The following ACBD6 variants were observed in gnomAD, a reference collection of about 807,000 sequenced individuals.
The protein encoded by ACBD6 is acyl-CoA binding domain containing 6.
A neutral mutation model predicts 37.2 loss-of-function variants in ACBD6; 28 were observed. That is an observed-to-expected ratio of 0.75 (90% confidence interval 0.56 to 1.03). ACBD6 has a LOEUF of 1.03. Among genes scored for constraint, ACBD6 ranks in the 50% least tolerant of loss-of-function variants. The pLI, the probability that ACBD6 is intolerant of heterozygous loss-of-function variation, is 0.00. For synonymous variants in ACBD6, 113 were observed against 126.8 expected, an observed-to-expected ratio of 0.89 and a Z score of 0.73; for missense variants, 340 against 337.4, an observed-to-expected ratio of 1.01 and a Z score of -0.06.
At chr1:180,465,507 A>G (rs976479843) in intron 3 of ACBD6, among the ~76,000 whole-genome samples, 4 of 152,200 alleles carry the variant, frequency 2.6e-5, no homozygotes, top group African/African-American at 9.6e-5. Flanking sequence ...AAACTCAAAC[A>G]AAATCAGATG....
At chr1:180,375,428 T>C (rs968317290) in intron 6 of ACBD6, among the ~76,000 whole-genome samples, 3 of 152,042 alleles carry the variant, frequency 2.0e-5, no homozygotes, top group African/African-American at 7.2e-5. Flanking sequence ...TGGGCTCAGG[T>C]GATCCTCCTG....
chr1:180,291,814 T>C (rs549898243), intron 7 of ACBD6, among the ~76,000 whole-genome samples: 2 of 152,320 alleles, frequency 1.3e-5, no homozygotes, highest in South Asian at 4.1e-4. Flanking sequence ...TTATTCCTCT[T>C]ACATATACAT....
intron 6 of ACBD6, among the ~76,000 whole-genome samples, chr1:180,367,220 A>T (rs924049537): frequency 6.6e-6 from 1 of 152,174 alleles, no homozygotes; most frequent in Non-Finnish European, 1.5e-5. Context: ...AACTCTGCCT[A>T]TGTTTTTGCA....
chr1:180,363,040 A>G (rs1318548296), intron 6 of ACBD6, among the ~76,000 whole-genome samples: 4 of 152,164 alleles, frequency 2.6e-5, no homozygotes, highest in Non-Finnish European at 5.9e-5. Context: ...GGCTCTGGCA[A>G]ATGTATTAAC....
At chr1:180,342,131 T>C (rs1652006381) in intron 6 of ACBD6, among the ~76,000 whole-genome samples, 2 of 152,096 alleles carry the variant, frequency 1.3e-5, no homozygotes, top group African/African-American at 2.4e-5. Context: ...AATGTCTACC[T>C]AGAAATCAAT....
chr1:180,418,919 C>T (rs943554328), intron 4 of ACBD6, among the ~76,000 whole-genome samples: 4 of 152,170 alleles, frequency 2.6e-5, no homozygotes, highest in Non-Finnish European at 5.9e-5. Context: ...AAACAAAGTA[C>T]TTAATAAAGT....
intron 7 of ACBD6, among the ~76,000 whole-genome samples, chr1:180,314,026 T>C (rs572622814): frequency 6.6e-6 from 1 of 152,330 alleles, no homozygotes; most frequent in East Asian, 1.9e-4. Flanking sequence ...AAATTTCTTT[T>C]TCTTCAATTA....
At chr1:180,378,620 T>C (rs901832818) in intron 6 of ACBD6, among the ~76,000 whole-genome samples, 4 of 152,146 alleles carry the variant, frequency 2.6e-5, no homozygotes, top group African/African-American at 9.7e-5. Context: ...AAAATTCCAG[T>C]GTAAACTGTT....
intron 3 of ACBD6, among the ~76,000 whole-genome samples, chr1:180,433,721 T>C (rs1322559542): frequency 2.6e-5 from 4 of 152,094 alleles, no homozygotes; most frequent in Non-Finnish European, 1.5e-5. Flanking sequence ...AGTCTTTCGT[T>C]ACATAATTAG....
chr1:180,432,858 A>C (rs1434524138), intron 3 of ACBD6, among the ~76,000 whole-genome samples: 1 of 152,066 alleles, frequency 6.6e-6, no homozygotes, highest in African/African-American at 2.4e-5. Context: ...TGAATCACGA[A>C]GAAATCAAAA....
At position 180,274,147 on chromosome 1, in the gene ACBD6, T is replaced by C. The variant is rs751568001; in HGVS notation, c.*937-35A>G. ...GAAGAGCAGGGGACCATCAGAGTCCTGGCAGCTGACAATAAATCTCCGTTC... is the reference window on the plus strand; with the variant it reads ...GAAGAGCAGGGGACCATCAGAGTCCCGGCAGCTGACAATAAATCTCCGTTC... On this transcript the variant is annotated intron_variant, in intron 10 of 13. Transcript: ENST00000642319. 3.1e-6 allele frequency: 5 copies of C among 1,613,820 alleles called. No individual in the cohort carries two copies. In the South Asian group the frequency reaches 3.3e-5, roughly 11 times the overall value.
intron 6 of ACBD6, among the ~76,000 whole-genome samples, chr1:180,326,090 T>A (rs767879554): frequency 1.1e-4 from 17 of 151,988 alleles, no homozygotes; most frequent in Non-Finnish European, 2.4e-4. Flanking sequence ...GCCAGCCAGG[T>A]TTTTGTCCTT....
chr1:180,337,353 A>G (rs368658133), intron 6 of ACBD6, among the ~76,000 whole-genome samples: 19,655 of 151,884 alleles, frequency 0.13, 2,063 homozygotes, highest in African/African-American at 0.29. Flanking sequence ...TTCAACATAC[A>G]AAAATCAATA....
chr1:180,272,238 C>T (rs572214216), intron 13 of ACBD6, among the ~76,000 whole-genome samples: 3 of 152,238 alleles, frequency 2.0e-5, no homozygotes, highest in South Asian at 2.1e-4. Context: ...GGCCAGGCCC[C>T]GTCCTGTGGC....
chr1:180,440,419 T>C (rs997644451), intron 3 of ACBD6, among the ~76,000 whole-genome samples: 2 of 152,216 alleles, frequency 1.3e-5, no homozygotes, highest in African/African-American at 4.8e-5. Context: ...TTGAAAAGTC[T>C]TTATTTCACG....
At chr1:180,461,286 C>A (rs77533360) in intron 3 of ACBD6, among the ~76,000 whole-genome samples, 1 of 152,074 alleles carries the variant, frequency 6.6e-6, no homozygotes, top group Non-Finnish European at 1.5e-5. Context: ...CTGGTGTACC[C>A]GAAAGAGCTA....
rs958268037 is a variant in ACBD6 at position 180,442,228 on chromosome 1, C to T, written c.385-11966G>A. 6.6e-5 allele frequency among the ~76,000 whole-genome samples: 10 copies of T among 151,890 alleles called. 1 individual carries two copies. The East Asian group carries it at 9.7e-4, about 15-fold the overall frequency. On this transcript the variant is annotated intron_variant, in intron 3 of 7. Transcript: ENST00000367595. ...TTGTATGGTTTCATTACATTTCTTCCGCATGGGGTTCATTGAGCTTCTTGG... is the reference window on the plus strand; with the variant it reads ...TTGTATGGTTTCATTACATTTCTTCTGCATGGGGTTCATTGAGCTTCTTGG...
intron 3 of ACBD6, among the ~76,000 whole-genome samples, chr1:180,450,988 T>A (rs1313769278): frequency 6.6e-6 from 1 of 152,164 alleles, no homozygotes; most frequent in Non-Finnish European, 1.5e-5. Context: ...ATTAAGAGTC[T>A]TCCAATAGAA....
At chr1:180,368,797 TAAC>T (rs1368471810) in intron 6 of ACBD6, among the ~76,000 whole-genome samples, 3 of 151,948 alleles carry the variant, frequency 2.0e-5, no homozygotes, top group African/African-American at 7.2e-5. Context: ...AGAACAATTA[TAAC>T]AACATACTGT....
Sources: allele counts gnomAD v4.1 joint callset (sites outside exome capture counted in the v4.1 genomes callset), GRCh38; gene constraint gnomAD v4.1.1; transcripts MANE v1.5; gene names NCBI Gene and HGNC (gene_info 2026-07-23, HGNC 2026-07-21).